CCDC171: variants seen among roughly 807,000 people sequenced by gnomAD.
CCDC171 encodes coiled-coil domain-containing protein 171.
CCDC171 carries 177 observed loss-of-function variants against 168.2 expected under a neutral mutation model. That is an observed-to-expected ratio of 1.05 (90% CI 0.93 to 1.19). CCDC171 has a LOEUF of 1.19. CCDC171 is among the 50% of genes most tolerant of loss of function. The pLI is 0.00. For synonymous variants in CCDC171, 687 were observed against 540.8 expected, an observed-to-expected ratio of 1.27 and a Z score of -3.75; for missense variants, 1,991 against 1,539.0, an observed-to-expected ratio of 1.29 and a Z score of -4.91.
At chr9:16,034,528 A>C (rs573222467) in intron 6 of CCDC171, among the ~76,000 whole-genome samples, 1 of 152,256 alleles carries the variant, frequency 6.6e-6, no homozygotes, top group East Asian at 1.9e-4. Flanking sequence ...TTGGGAGTGC[A>C]ACCAAGGTTC....
chr9:15,844,760 G>T (rs1262282209), intron 21 of CCDC171, among the ~76,000 whole-genome samples: 2 of 152,184 alleles, frequency 1.3e-5, no homozygotes, highest in Admixed American at 6.6e-5. Flanking sequence ...TAGCTATGTA[G>T]TAGAAATTCT....
At chr9:15,624,433 A>G (rs1276007013) in intron 7 of CCDC171, among the ~76,000 whole-genome samples, 1 of 152,102 alleles carries the variant, frequency 6.6e-6, no homozygotes, top group Non-Finnish European at 1.5e-5. Context: ...CATTTACATT[A>G]GGTATATCTC....
In CCDC171 at chr9:15,724,981, T is replaced by G. The variant is rs775598937; in HGVS notation, c.1692+5T>G. On this transcript the variant is annotated splice_donor_5th_base_variant and intron_variant, in intron 14 of 25. Coordinates refer to ENST00000380701, the MANE Select transcript of CCDC171 (RefSeq NM_173550.4). ...GCTTTCCATAAGGATGCAGAGGTAT[T>G]ACCTGAGACTCAATGACTGTCAGGA... 2.5e-6 allele frequency: 4 copies of G among 1,608,298 alleles called. No individual in the cohort carries two copies. The East Asian group carries it at 6.7e-5, about 27-fold the overall frequency.
chr9:16,064,920 C>T (rs1228104702), downstream of CCDC171, among the ~76,000 whole-genome samples: 8 of 152,190 alleles, frequency 5.3e-5, no homozygotes, highest in African/African-American at 1.2e-4. Context: ...CACACAACAC[C>T]GCCCTTGTGG....
At position 15,683,486 on chromosome 9, in the gene CCDC171, T is replaced by G. The variant is rs951224200; in HGVS notation, c.1215+4590T>G. On this transcript the variant is annotated intron_variant, in intron 10 of 25. Coordinates refer to ENST00000380701, the MANE Select transcript of CCDC171 (RefSeq NM_173550.4). ...TTTTTTACTAAAAAAAGATTGATTC[T>G]TGTTTTTCACCAAGAATAGGAGTAG... Among the ~76,000 whole-genome samples the G allele has an allele frequency of 2.0e-5, 3 of 152,214 alleles. No homozygotes were observed. In the East Asian group the frequency reaches 5.8e-4, roughly 29 times the overall value.
chr9:15,974,143 A>G (rs564801323), downstream of CCDC171: 15 of 152,276 alleles, frequency 9.9e-5, no homozygotes, highest in African/African-American at 3.1e-4. Flanking sequence ...TGTCACATTT[A>G]TAAGCAACTA....
intron 23 of CCDC171, among the ~76,000 whole-genome samples, chr9:15,872,010 C>T (rs1344344108): frequency 6.6e-6 from 1 of 151,922 alleles, no homozygotes; most frequent in Admixed American, 6.6e-5. Flanking sequence ...TCTCAAAGTT[C>T]TCGTTTAATT....
At chr9:15,956,396 A>G (rs1829800610) in intron 25 of CCDC171, among the ~76,000 whole-genome samples, 1 of 152,144 alleles carries the variant, frequency 6.6e-6, no homozygotes, top group Admixed American at 6.6e-5. Context: ...TGTCTTAGTA[A>G]CTATAAGGAT....
chr9:15,717,907 C>T (rs1320077788), intron 11 of CCDC171, among the ~76,000 whole-genome samples: 5 of 152,228 alleles, frequency 3.3e-5, no homozygotes, highest in Non-Finnish European at 7.3e-5. Flanking sequence ...AGAACATTCA[C>T]AGCTGTAGTG....
chr9:16,022,025 A>T (rs569371871), intron 4 of CCDC171, among the ~76,000 whole-genome samples: 2 of 152,318 alleles, frequency 1.3e-5, no homozygotes, highest in Non-Finnish European at 2.9e-5. Context: ...TTCCACTGCT[A>T]CCATATCTAG....
chr9:15,637,245 G>C (rs545312775), intron 7 of CCDC171, among the ~76,000 whole-genome samples: 5 of 152,204 alleles, frequency 3.3e-5, no homozygotes, highest in African/African-American at 9.6e-5. Context: ...AACAGAGCAA[G>C]ACTCTATCTC....
intron 6 of CCDC171, among the ~76,000 whole-genome samples, chr9:16,032,318 C>A: frequency 6.6e-6 from 1 of 151,992 alleles, no homozygotes; most frequent in East Asian, 1.9e-4. Flanking sequence ...AACCTGACAC[C>A]TGAGGGGAAA....
At chr9:15,649,026 C>T (rs1265660148) in intron 7 of CCDC171, among the ~76,000 whole-genome samples, 7 of 152,206 alleles carry the variant, frequency 4.6e-5, no homozygotes, top group Admixed American at 2.6e-4. Flanking sequence ...ACCAAAACAG[C>T]ATGGTACTGG....
chr9:16,083,137 A>T, the CCDC171 span, among the ~76,000 whole-genome samples: 4 of 152,208 alleles, frequency 2.6e-5, no homozygotes, highest in African/African-American at 9.7e-5. Context: ...GAGCAATTAG[A>T]TAGGGTTATC....
intron 1 of CCDC171, among the ~76,000 whole-genome samples, chr9:16,044,136 C>T (rs187780949): frequency 7.8e-4 from 119 of 152,336 alleles, no homozygotes; most frequent in African/African-American, 2.7e-3. Flanking sequence ...CAATACACTA[C>T]TTCTTTTCAA....
At chr9:15,827,092 A>G (rs1255645134) in intron 21 of CCDC171, among the ~76,000 whole-genome samples, 5 of 152,180 alleles carry the variant, frequency 3.3e-5, no homozygotes, top group African/African-American at 4.8e-5. Flanking sequence ...GCAACCCTCA[A>G]ATGAATATGC....
At chr9:15,604,705 G>T (rs994678249) in intron 6 of CCDC171, among the ~76,000 whole-genome samples, 5 of 152,094 alleles carry the variant, frequency 3.3e-5, no homozygotes, top group Non-Finnish European at 7.4e-5. Flanking sequence ...GGTCTGATAG[G>T]CCTTAAGACA....
intron 18 of CCDC171, among the ~76,000 whole-genome samples, chr9:15,766,906 T>G (rs1357290291): frequency 6.6e-6 from 1 of 152,134 alleles, no homozygotes; most frequent in Admixed American, 6.6e-5. Context: ...AAGCAATCCT[T>G]TTGCCTTGGC....
intron 6 of CCDC171, among the ~76,000 whole-genome samples, chr9:16,031,917 G>C (rs1278143475): frequency 6.6e-6 from 1 of 152,230 alleles, no homozygotes; most frequent in African/African-American, 2.4e-5. Flanking sequence ...GAGCAGGGCA[G>C]AGACTGAGCT....
Sources: gnomAD v4.1 joint callset for allele counts (sites outside exome capture counted in the v4.1 genomes callset) on GRCh38, gnomAD v4.1.1 for gene constraint, MANE v1.5 for transcripts, NCBI Gene and HGNC (gene_info 2026-07-23, HGNC 2026-07-21) for gene names.